FBXL17: variants seen among roughly 807,000 people sequenced by gnomAD.
The protein encoded by FBXL17 is F-box/LRR-repeat protein 17.
In FBXL17, 22 loss-of-function variants were observed where a neutral mutation model predicts 66.2. The ratio of observed to expected loss-of-function variants is 0.33; its 90% confidence interval spans 0.24 to 0.47. FBXL17 has a LOEUF of 0.47. FBXL17 is among the 20% of genes least tolerant of loss of function. The pLI, the probability that FBXL17 is intolerant of heterozygous loss-of-function variation, is 1.00. For synonymous variants in FBXL17, 474 were observed against 400.5 expected, an observed-to-expected ratio of 1.18 and a Z score of -2.19; for missense variants, 878 against 948.2, an observed-to-expected ratio of 0.93 and a Z score of 0.97.
intron 3 of FBXL17, 75 bp from the exon 4 acceptor site, chr5:108,348,605 A>G: frequency 6.7e-7 from 1 of 1,497,794 alleles, no homozygotes; most frequent in Non-Finnish European, 9.1e-7. Context: ...TTTTCATATA[A>G]TTTTTTGAAA....
chr5:108,311,234 C>G (rs183699605), intron 4 of FBXL17, among the ~76,000 whole-genome samples: 2 of 151,896 alleles, frequency 1.3e-5, no homozygotes, highest in African/African-American at 4.8e-5. Flanking sequence ...TGCAATGGCG[C>G]GATCTCAGCT....
intron 3 of FBXL17, among the ~76,000 whole-genome samples, chr5:108,350,980 T>C (rs756674881): frequency 3.3e-5 from 5 of 152,150 alleles, no homozygotes; most frequent in Non-Finnish European, 7.4e-5. Context: ...GCCATCACAC[T>C]TGTATATGAG....
rs561180711 is a variant in FBXL17 at position 108,172,115 on chromosome 5, T to C, written c.1745+14002A>G. On this transcript the variant is annotated intron_variant, in intron 6 of 8. Coordinates refer to ENST00000542267, the MANE Select transcript of FBXL17 (RefSeq NM_001163315.3). ...ACAGCAGCGTGAAAACAGACTAATA[T>C]AGATGGTCTAAGATGGCCTTACTCA... 5.3e-5 allele frequency among the ~76,000 whole-genome samples: 8 copies of C among 152,294 alleles called. No individual in the cohort carries two copies. The South Asian group carries it at 1.0e-3, about 20-fold the overall frequency.
At chr5:108,130,370 A>C (rs773052596) in intron 6 of FBXL17, among the ~76,000 whole-genome samples, 1 of 151,996 alleles carries the variant, frequency 6.6e-6, no homozygotes, top group Non-Finnish European at 1.5e-5. Context: ...GTGGAAAATA[A>C]TAATGATATT....
intron 7 of FBXL17, among the ~76,000 whole-genome samples, chr5:107,999,315 C>A (rs1370409881): frequency 1.3e-5 from 2 of 152,056 alleles, no homozygotes; most frequent in African/African-American, 4.8e-5. Flanking sequence ...ATGCCTTTTA[C>A]CCTCCATATC....
At chr5:108,264,158 T>G (rs1756949916) in intron 4 of FBXL17, among the ~76,000 whole-genome samples, 1 of 131,162 alleles carries the variant, frequency 7.6e-6, no homozygotes, top group African/African-American at 3.0e-5. Context: ...GAGGTGGCAG[T>G]GAGCTTAGAT....
At chr5:108,171,935 GCTCT>G (rs34090352) in intron 6 of FBXL17, among the ~76,000 whole-genome samples, 1 of 152,000 alleles carries the variant, frequency 6.6e-6, no homozygotes, top group African/African-American at 2.4e-5. Context: ...CCCCGCAGAA[GCTCT>G]CTCTCTCTTT....
intron 4 of FBXL17, among the ~76,000 whole-genome samples, chr5:108,317,194 T>C (rs150539573): frequency 2.1e-3 from 321 of 151,474 alleles, no homozygotes; most frequent in Non-Finnish European, 3.8e-3. Flanking sequence ...AACAAATCGG[T>C]TCCCCCAAAA....
intron 6 of FBXL17, among the ~76,000 whole-genome samples, chr5:108,088,482 A>G (rs960237253): frequency 6.6e-6 from 1 of 151,912 alleles, no homozygotes; most frequent in Admixed American, 6.6e-5. Flanking sequence ...CGGGGGGAAC[A>G]TGAGGTCAGG....
chr5:108,298,493 T>C (rs1758441477), intron 4 of FBXL17: 8 of 977,384 alleles, frequency 8.2e-6, no homozygotes, highest in Non-Finnish European at 8.5e-6. Context: ...GCCCTAAGTT[T>C]TTCTTTATAA....
intron 7 of FBXL17, among the ~76,000 whole-genome samples, chr5:107,885,901 T>C (rs1200532510): frequency 2.6e-5 from 4 of 151,970 alleles, no homozygotes; most frequent in Non-Finnish European, 5.9e-5. Flanking sequence ...TCTTTTTATA[T>C]AGCTTTGACT....
At chr5:108,363,387 C>T (rs1023731155) in intron 3 of FBXL17, among the ~76,000 whole-genome samples, 8 of 151,922 alleles carry the variant, frequency 5.3e-5, no homozygotes. Context: ...AAAATATTCT[C>T]TACACTGCAA....
chr5:108,242,741 C>T (rs2150102953), intron 4 of FBXL17, among the ~76,000 whole-genome samples: 1 of 152,106 alleles, frequency 6.6e-6, no homozygotes, highest in African/African-American at 2.4e-5. Flanking sequence ...CATCTACTTC[C>T]AAAACACATT....
In FBXL17 at chr5:108,076,144, T is replaced by C. The variant is rs183855754; in HGVS notation, c.1746-55143A>G. ...TAGATGTTTTAAGGTCACAGTATTG[T>C]TGTGTCTGTGATATTTCTCATACCT... On this transcript the variant is annotated intron_variant, in intron 6 of 8. Transcript: ENST00000542267. Among the ~76,000 whole-genome samples, 211 of 152,352 alleles carry C rather than the reference T, an allele frequency of 1.4e-3. 1 individual carries two copies. Among genetic ancestry groups the C allele is most frequent in the South Asian group, 3.1e-3 (15 of 4,822 alleles).
At chr5:108,205,119 C>A (rs1170074171) in intron 5 of FBXL17, among the ~76,000 whole-genome samples, 1 of 151,862 alleles carries the variant, frequency 6.6e-6, no homozygotes, top group African/African-American at 2.4e-5. Flanking sequence ...TACCCTGTCT[C>A]TAAAAGTCAC....
At position 108,333,426 on chromosome 5, in the gene FBXL17, C is replaced by A. The variant is rs142956218; in HGVS notation, c.1506+14973G>T. On this transcript the variant is annotated intron_variant, in intron 4 of 8. Transcript: ENST00000542267. The stretch of plus-strand genomic sequence containing the variant: ...TTTAAAATGCTAAAGTGCTAAGATT[C>A]TTTATTCCTCTGACTACAAAACAAG... Among the ~76,000 whole-genome samples, 417 of 152,100 alleles carry A rather than the reference C, an allele frequency of 2.7e-3. 4 individuals carry two copies. Among genetic ancestry groups the A allele is most frequent in the African/African-American group, 9.5e-3 (396 of 41,526 alleles).
At chr5:108,048,350 G>A (rs1169199025) in intron 6 of FBXL17, among the ~76,000 whole-genome samples, 1 of 152,142 alleles carries the variant, frequency 6.6e-6, no homozygotes, top group East Asian at 1.9e-4. Flanking sequence ...ATGAAGATGA[G>A]AATCATCGAA....
chr5:108,306,414 T>C (rs1758843555), intron 4 of FBXL17, among the ~76,000 whole-genome samples: 1 of 152,092 alleles, frequency 6.6e-6, no homozygotes, highest in Non-Finnish European at 1.5e-5. Context: ...GTTAAGAATA[T>C]GAATTTTGAT....
At chr5:107,971,204 T>G (rs1452072649) in intron 7 of FBXL17, among the ~76,000 whole-genome samples, 1 of 152,088 alleles carries the variant, frequency 6.6e-6, no homozygotes, top group Non-Finnish European at 1.5e-5. Context: ...GCTGGGGAGA[T>G]GAAATTCACA....
Sources: allele counts gnomAD v4.1 joint callset (sites outside exome capture counted in the v4.1 genomes callset), GRCh38; gene constraint gnomAD v4.1.1; transcripts MANE v1.5; gene names NCBI Gene and HGNC (gene_info 2026-07-23, HGNC 2026-07-21).